Variants in CDK13 observed in about 807,000 individuals in gnomAD.
CDK13 encodes the protein cyclin-dependent kinase 13.
CDK13 carries 40 observed loss-of-function variants against 137.6 expected under a neutral mutation model. The ratio of observed to expected loss-of-function variants is 0.29; its 90% CI spans 0.23 to 0.38. The LOEUF (loss-of-function observed/expected upper bound fraction) is 0.38, where lower values mean the gene tolerates loss of function less well. Among genes scored for constraint, CDK13 ranks in the 10% least tolerant of loss-of-function variants. CDK13 has a pLI of 1.00. For missense variants in CDK13, 1,704 were observed against 1,951.8 expected, an observed-to-expected ratio of 0.87 and a Z score of 2.39; for synonymous variants, 869 against 760.1, an observed-to-expected ratio of 1.14 and a Z score of -2.36.
intron 7 of CDK13, chr7:40,061,919 C>T (rs1365152014): frequency 1.3e-5 from 2 of 152,096 alleles, no homozygotes; most frequent in African/African-American, 4.8e-5. Context: ...GTCCTCTTTT[C>T]GGAAGGTGAT....
intron 5 of CDK13, among the ~76,000 whole-genome samples, chr7:40,009,655 G>A (rs1250469407): frequency 4.6e-5 from 7 of 152,094 alleles, no homozygotes; most frequent in South Asian, 2.1e-4. Context: ...TTGATAGACC[G>A]AAGTTTTTAA....
intron 7 of CDK13, among the ~76,000 whole-genome samples, chr7:40,050,094 C>T (rs1255935312): frequency 6.6e-6 from 1 of 151,668 alleles, no homozygotes. Context: ...ATTCTCCTGC[C>T]TCAGCCTACC....
intron 1 of CDK13, among the ~76,000 whole-genome samples, chr7:39,968,259 T>G (rs919282594): frequency 6.6e-6 from 1 of 152,226 alleles, no homozygotes; most frequent in African/African-American, 2.4e-5. Context: ...TTTATTTTTG[T>G]TTTTGTTCCC....
intron 1 of CDK13, among the ~76,000 whole-genome samples, chr7:39,958,507 A>G (rs1787496094): frequency 6.6e-6 from 1 of 152,126 alleles, no homozygotes; most frequent in Non-Finnish European, 1.5e-5. Context: ...ATTTTTCTAG[A>G]CTTTTTTATG....
At chr7:39,967,030 G>A (rs570849499) in intron 1 of CDK13, among the ~76,000 whole-genome samples, 1 of 152,148 alleles carries the variant, frequency 6.6e-6, no homozygotes, top group African/African-American at 2.4e-5. Flanking sequence ...CTACTCGGGG[G>A]TGCCTCCCAG....
At chr7:40,006,000 G>A (rs768920955) in intron 5 of CDK13, among the ~76,000 whole-genome samples, 12 of 152,164 alleles carry the variant, frequency 7.9e-5, no homozygotes, top group Non-Finnish European at 1.3e-4. Flanking sequence ...GCTGGGACTG[G>A]CGTGAGTCAT....
chr7:40,093,062 G>A lies in CDK13; in HGVS notation c.3513G>A (p.Glu1171=). The A allele has an allele frequency of 6.2e-7, 1 of 1,614,198 alleles. No homozygotes were observed. Among genetic ancestry groups the A allele is most frequent in the Non-Finnish European group, 8.5e-7 (1 of 1,180,024 alleles). ...CTCAGACCATCCAGCCTAAAGTGGA[G>A]ACTGATGCTGCCCAGGCGGCTGTGC... is the stretch of plus-strand genomic sequence containing the variant. ...PSSQTIQPKV[E]TDAAQAAVQS... Residue 1171 remains glutamate (E), a synonymous_variant, in exon 13 of 14, where the codon GAG becomes GAA. Coordinates refer to ENST00000181839, the MANE Select transcript of CDK13 (RefSeq NM_003718.5).
chr7:40,072,896 G>A (rs1391072115), intron 9 of CDK13: 1 of 152,118 alleles, frequency 6.6e-6, no homozygotes, highest in Non-Finnish European at 1.5e-5. Context: ...GATGATGATG[G>A]TTATAGAAGT....
At chr7:39,952,093 C>T (rs1385918489) in intron 1 of CDK13, 1 of 390,032 alleles carries the variant, frequency 2.6e-6, no homozygotes. Context: ...GGGAAGATTT[C>T]TAAGGAAGAA....
intron 12 of CDK13, chr7:40,092,172 G>T: frequency 6.6e-6 from 1 of 152,012 alleles, no homozygotes; most frequent in East Asian, 1.9e-4. Flanking sequence ...AAAATGTCAT[G>T]ATTTCAATAT....
At chr7:39,979,796 G>T (rs1180710430) in intron 1 of CDK13, among the ~76,000 whole-genome samples, 1 of 152,130 alleles carries the variant, frequency 6.6e-6, no homozygotes, top group Non-Finnish European at 1.5e-5. Context: ...TAATCACAAG[G>T]ATTTTTATAA....
chr7:40,096,604 G>T lies in CDK13; in HGVS notation c.*1624G>T, dbSNP rs1177290318. Reference sequence around the variant, plus strand: ...TTTTTTTTATTGGAATCTTAAATTGGAACAACTGTTACAGAATGTATATTG... The same window carrying T: ...TTTTTTTTATTGGAATCTTAAATTGTAACAACTGTTACAGAATGTATATTG... On this transcript the variant is annotated 3_prime_UTR_variant, in exon 14 of 14. Coordinates refer to ENST00000181839, the MANE Select transcript of CDK13 (RefSeq NM_003718.5). 6.6e-6 allele frequency: 1 copy of T among 151,948 alleles called. No individual in the cohort carries two copies. The highest frequency in any genetic ancestry group is 1.5e-5 in the Non-Finnish European group (1 of 67,966). 9.4% of individuals were successfully genotyped at this position (151,948 alleles called of 1,614,324 possible). A position where few individuals can be genotyped will look rare whatever the true frequency, so the allele number is the denominator to read the frequency against.
At chr7:40,034,419 A>T (rs914346701) in intron 5 of CDK13, among the ~76,000 whole-genome samples, 1 of 152,148 alleles carries the variant, frequency 6.6e-6, no homozygotes, top group Non-Finnish European at 1.5e-5. Flanking sequence ...AACTCCTTAA[A>T]TTCCAGACCA....
At position 40,094,259 on chromosome 7, in the gene CDK13, A is replaced by C. The variant is rs1195509185; in HGVS notation, c.3818A>C (p.Glu1273Ala). The part of the protein sequence containing the change: ...EPPEPPPVTE[E>A]DLDYRTENQH... ...CCTGAACCACCACCAGTCACTGAGG[A>C]AGATCTAGATTATCGGACAGAAAAC... is the stretch of plus-strand genomic sequence containing the variant. Residue 1273 changes from glutamate (E) to alanine (A), a missense_variant, in exon 14 of 14, where the codon GAA becomes GCA. Glu to Ala is a moderately radical substitution (Grantham distance 107). Around this residue, in one of 5 missense-constraint regions of CDK13, gnomAD observed 475 missense variants for 579.3 expected, o/e 0.82. Transcript: ENST00000181839. The C allele has an allele frequency of 1.2e-6, 2 of 1,612,710 alleles. No homozygotes were observed. The highest frequency in any genetic ancestry group is 2.7e-5 in the African/African-American group (2 of 74,830).
At chr7:40,093,866 A>G (rs1229386447) in intron 13 of CDK13, among the ~76,000 whole-genome samples, 2 of 149,734 alleles carry the variant, frequency 1.3e-5, no homozygotes, top group Non-Finnish European at 3.0e-5. Context: ...TGATCACTCC[A>G]CTGCACTCCA....
At chr7:40,042,714 A>C (rs1785639013) in intron 5 of CDK13, among the ~76,000 whole-genome samples, 1 of 150,834 alleles carries the variant, frequency 6.6e-6, no homozygotes, top group Non-Finnish European at 1.5e-5. Flanking sequence ...TTACGGCCTC[A>C]AGCGATCCAC....
chr7:40,074,039 T>C (rs1786484202), intron 9 of CDK13, among the ~76,000 whole-genome samples: 1 of 149,748 alleles, frequency 6.7e-6, no homozygotes, highest in Non-Finnish European at 1.5e-5. Flanking sequence ...GTAGCTGGGA[T>C]TACAGGTGTG....
intron 5 of CDK13, among the ~76,000 whole-genome samples, chr7:40,016,020 T>A (rs1784998288): frequency 6.6e-6 from 1 of 152,184 alleles, no homozygotes. Context: ...CTGTTGAGAT[T>A]GAGATAACTA....
chr7:39,953,808 A>G (rs1787317760), intron 1 of CDK13, among the ~76,000 whole-genome samples: 1 of 152,172 alleles, frequency 6.6e-6, no homozygotes, highest in Non-Finnish European at 1.5e-5. Flanking sequence ...GCCATTTGGT[A>G]TGTGCCTGAA....
Sources: gnomAD v4.1 joint callset for allele counts (sites outside exome capture counted in the v4.1 genomes callset) on GRCh38, gnomAD v4.1.1 for gene constraint, gnomAD v4.1.1 regional missense constraint, MANE v1.5 for transcripts, NCBI Gene and HGNC (gene_info 2026-07-23, HGNC 2026-07-21) for gene names.